The following ELF2 variants were observed in gnomAD, a reference collection of about 807,000 sequenced individuals.
ELF2 encodes the protein ETS-related transcription factor Elf-2.
A neutral mutation model predicts 54.8 loss-of-function variants in ELF2; 11 were observed. The observed-to-expected ratio is 0.20, with a 90% CI of 0.13 to 0.33. The LOEUF is 0.33. ELF2 is among the 10% of genes least tolerant of loss of function. ELF2 has a pLI of 1.00. For missense variants in ELF2, 513 were observed against 703.0 expected (o/e 0.73, Z 3.06); for synonymous variants, 203 against 245.1 (o/e 0.83, Z 1.61).
intron 4 of ELF2, among the ~76,000 whole-genome samples, chr4:139,123,447 T>C (rs1466386869): frequency 6.6e-6 from 1 of 151,986 alleles, no homozygotes; most frequent in Non-Finnish European, 1.5e-5. Flanking sequence ...ACCCTCAGAG[T>C]TCAAGAAGAC....
At chr4:139,090,796 C>A (rs1481322333) in intron 4 of ELF2, among the ~76,000 whole-genome samples, 1 of 152,092 alleles carries the variant, frequency 6.6e-6, no homozygotes, top group African/African-American at 2.4e-5. Context: ...GATTTTGCCA[C>A]GTTGGCCAGG....
At chr4:139,136,123 G>A (rs913266160) in intron 3 of ELF2, among the ~76,000 whole-genome samples, 1 of 152,094 alleles carries the variant, frequency 6.6e-6, no homozygotes, top group African/African-American at 2.4e-5. Flanking sequence ...AATCTAGGAG[G>A]GGATGGCAGT....
At chr4:139,093,190 C>G (rs1440969785) in intron 4 of ELF2, among the ~76,000 whole-genome samples, 1 of 152,046 alleles carries the variant, frequency 6.6e-6, no homozygotes, top group Non-Finnish European at 1.5e-5. Flanking sequence ...TGGTTTCGAT[C>G]TCCTGACCTC....
intron 4 of ELF2, among the ~76,000 whole-genome samples, chr4:139,097,255 C>G (rs774083091): frequency 2.0e-5 from 3 of 152,202 alleles, no homozygotes; most frequent in Middle Eastern, 3.4e-3. Flanking sequence ...CCTTGAACTC[C>G]CGGGCTCAGG....
At chr4:139,147,476 GA>G (rs914168417) in intron 1 of ELF2, among the ~76,000 whole-genome samples, 3 of 152,012 alleles carry the variant, frequency 2.0e-5, no homozygotes, top group African/African-American at 2.4e-5. Context: ...ACAGTATGGA[GA>G]TTTTTTTTTG....
Position 139,060,629 on chromosome 4 carries a change from C to T in ELF2, c.852G>A (p.Arg284=), listed in dbSNP as rs377616489. The change falls in exon 9 of 10, where the codon AGG becomes AGA. Residue 284 remains arginine (R), a synonymous_variant. Transcript: ENST00000686138. ...RGILAKVEGQ[R]LVYQFKDMPK... ...GCATATCCTTGAACTGATATACAAG[C>T]CTCTGTCCTTCAACCTTTGCAAGAA... 11 of 1,608,882 alleles carry T rather than the reference C, an allele frequency of 6.8e-6. No homozygotes were observed. The highest frequency in any genetic ancestry group is 1.7e-5 in the Admixed American group (1 of 59,618).
chr4:139,174,206 T>TAAAAAA (rs1222397912), intron 1 of ELF2, among the ~76,000 whole-genome samples: 5 of 94,006 alleles, frequency 5.3e-5, no homozygotes, highest in Admixed American at 1.1e-4. Context: ...GACTCCATCT[T>TAAAAAA]AAAAAAAAAA....
At chr4:139,167,138 G>C (rs1201290879) in intron 1 of ELF2, among the ~76,000 whole-genome samples, 1 of 152,144 alleles carries the variant, frequency 6.6e-6, no homozygotes, top group Non-Finnish European at 1.5e-5. Flanking sequence ...TTATTTTTAT[G>C]ATAATATAGG....
intron 4 of ELF2, among the ~76,000 whole-genome samples, chr4:139,124,047 T>C (rs1736663322): frequency 6.6e-6 from 1 of 151,674 alleles, no homozygotes; most frequent in African/African-American, 2.4e-5. Context: ...GCCTGGTTTT[T>C]TGTTTATTTG....
chr4:139,099,692 T>C (rs1216785360), intron 4 of ELF2, among the ~76,000 whole-genome samples: 1 of 152,210 alleles, frequency 6.6e-6, no homozygotes, highest in African/African-American at 2.4e-5. Context: ...GGCCATTTCA[T>C]TAACCTCACA....
At chr4:139,094,497 TTTAA>T (rs752418122) in intron 4 of ELF2, among the ~76,000 whole-genome samples, 9 of 152,178 alleles carry the variant, frequency 5.9e-5, no homozygotes, top group Non-Finnish European at 1.2e-4. Flanking sequence ...GTGGTGGATG[TTTAA>T]AAGGGGTACT....
chr4:139,157,105 G>C (rs752933271), intron 1 of ELF2, among the ~76,000 whole-genome samples: 2 of 152,112 alleles, frequency 1.3e-5, no homozygotes, highest in Non-Finnish European at 2.9e-5. Flanking sequence ...AGATGGTGTA[G>C]CCTGCCTACA....
At chr4:139,174,537 C>T (rs370146690) in intron 1 of ELF2, among the ~76,000 whole-genome samples, 29 of 152,058 alleles carry the variant, frequency 1.9e-4, no homozygotes, top group Non-Finnish European at 2.4e-4. Context: ...AATATACAGT[C>T]GGCCCTCCAT....
intron 4 of ELF2, among the ~76,000 whole-genome samples, chr4:139,102,595 C>T (rs986271924): frequency 1.6e-4 from 24 of 150,704 alleles, no homozygotes; most frequent in African/African-American, 5.6e-4. Flanking sequence ...ATTCCCAGCA[C>T]TTTGGGAGGC....
chr4:139,098,314 G>C (rs1046526590), intron 4 of ELF2, among the ~76,000 whole-genome samples: 4 of 152,104 alleles, frequency 2.6e-5, no homozygotes, highest in Non-Finnish European at 5.9e-5. Context: ...ATGCATGTAA[G>C]TTTATGATGA....
At chr4:139,156,586 G>A (rs1182676288) in intron 1 of ELF2, among the ~76,000 whole-genome samples, 2 of 151,834 alleles carry the variant, frequency 1.3e-5, no homozygotes, top group Non-Finnish European at 2.9e-5. Context: ...TAACATACAT[G>A]TTCATTCATA....
At chr4:139,093,238 T>C (rs905675567) in intron 4 of ELF2, among the ~76,000 whole-genome samples, 3 of 152,178 alleles carry the variant, frequency 2.0e-5, no homozygotes, top group Non-Finnish European at 4.4e-5. Context: ...GTGCTGGGAT[T>C]ACAGGCGTGA....
intron 4 of ELF2, among the ~76,000 whole-genome samples, chr4:139,078,566 T>A (rs898128185): frequency 6.8e-6 from 1 of 146,576 alleles, no homozygotes; most frequent in African/African-American, 2.5e-5. Context: ...GGAAAAAGAA[T>A]GGCAATTCTT....
chr4:139,088,159 T>A (rs1304905364), intron 4 of ELF2, among the ~76,000 whole-genome samples: 1 of 151,678 alleles, frequency 6.6e-6, no homozygotes, highest in Non-Finnish European at 1.5e-5. Flanking sequence ...TGGTGGCGCA[T>A]GCCTGTAGTC....
Sources: allele counts gnomAD v4.1 joint callset (sites outside exome capture counted in the v4.1 genomes callset), GRCh38; gene constraint gnomAD v4.1.1; transcripts MANE v1.5; gene names NCBI Gene and HGNC (gene_info 2026-07-23, HGNC 2026-07-21).